NSG1: variants seen among roughly 807,000 people sequenced by gnomAD.
NSG1 encodes neuronal vesicle trafficking associated 1.
In NSG1, 9 loss-of-function variants were observed where a neutral mutation model predicts 19.3. The observed-to-expected ratio is 0.47, with a 90% CI of 0.28 to 0.81. The LOEUF is 0.81. Ranked by LOEUF, NSG1 falls within the 40% of genes least tolerant of loss-of-function variation. The pLI, the probability that NSG1 is intolerant of heterozygous loss-of-function variation, is 0.11. For missense variants in NSG1, 236 were observed against 242.4 expected (o/e 0.97, Z 0.18); for synonymous variants, 104 against 107.0 (o/e 0.97, Z 0.17).
intron 4 of NSG1, among the ~76,000 whole-genome samples, chr4:4,413,434 G>T (rs1724333842): frequency 6.6e-6 from 1 of 151,254 alleles, no homozygotes; most frequent in Admixed American, 6.6e-5. Flanking sequence ...GGCTGGGGCT[G>T]GGAGAGTTTG....
rs552456594 is a variant in NSG1 at position 4,419,030 on chromosome 4, A to C, written c.*1595A>C. 1 of 152,246 alleles carries C rather than the reference A, an allele frequency of 6.6e-6. No individual in the cohort carries two copies. Among genetic ancestry groups the C allele is most frequent in the South Asian group, 2.1e-4 (1 of 4,824 alleles). The allele number at this position is 152,246 out of a possible 1,614,324, so 9.4% of individuals were successfully genotyped here. ...ATTTACATGTAACTTCTGACATTTCACTCTGTGCAAATAAAGAACATGAGG... is the reference window on the plus strand; with the variant it reads ...ATTTACATGTAACTTCTGACATTTCCCTCTGTGCAAATAAAGAACATGAGG... On this transcript the variant is annotated 3_prime_UTR_variant, in exon 5 of 5. Coordinates refer to ENST00000621129, the MANE Select transcript of NSG1 (RefSeq NM_014392.5).
intron 3 of NSG1, among the ~76,000 whole-genome samples, chr4:4,394,419 G>C (rs1723145160): frequency 6.6e-6 from 1 of 152,162 alleles, no homozygotes; most frequent in East Asian, 1.9e-4. Flanking sequence ...TGGTTTCCAC[G>C]CTCCCTTCCC....
rs1161754574 is a variant in NSG1 at position 4,402,371 on chromosome 4, A to ATTTTTTTTTT, written c.247-7177_247-7168dup. On this transcript the variant is annotated intron_variant, in intron 3 of 4. Coordinates refer to ENST00000621129, the MANE Select transcript of NSG1 (RefSeq NM_014392.5). ...TAGACACGCAGCACCACGCCTGGTTATTTTTTTTTTTTTTTTTTTTTTTTT... is the reference window on the plus strand; with the variant it reads ...TAGACACGCAGCACCACGCCTGGTTATTTTTTTTTTTTTTTTTTTTTTTTTTTTTTTTTTT... Among the ~76,000 whole-genome samples, 16 of 53,954 alleles carry ATTTTTTTTTT rather than the reference A, an allele frequency of 3.0e-4. 2 individuals are homozygous for ATTTTTTTTTT. Among genetic ancestry groups the ATTTTTTTTTT allele is most frequent in the African/African-American group, 9.7e-4 (16 of 16,514 alleles). 35.4% of individuals were successfully genotyped at this position (53,954 alleles called of 152,430 possible). A position where few individuals can be genotyped will look rare whatever the true frequency, so the allele number is the denominator to read the frequency against.
intron 4 of NSG1, among the ~76,000 whole-genome samples, chr4:4,414,924 A>G (rs1278833536): frequency 6.6e-6 from 1 of 151,994 alleles, no homozygotes; most frequent in African/African-American, 2.4e-5. Context: ...GTGGCCCGAG[A>G]GGACACTAGG....
At chr4:4,409,049 A>T (rs972133571) in intron 3 of NSG1, among the ~76,000 whole-genome samples, 1 of 152,240 alleles carries the variant, frequency 6.6e-6, no homozygotes, top group Non-Finnish European at 1.5e-5. Context: ...GAAACCGCCG[A>T]GGGCGAAGGC....
At chr4:4,409,423 T>G in intron 3 of NSG1, 150 bp from the exon 4 acceptor site, 1 of 633,642 alleles carries the variant, frequency 1.6e-6, no homozygotes, top group Non-Finnish European at 2.9e-6. Flanking sequence ...CAGTGATGCT[T>G]CTAACCTCTT....
At chr4:4,410,881 G>A (rs887647031) in intron 4 of NSG1, among the ~76,000 whole-genome samples, 11 of 152,130 alleles carry the variant, frequency 7.2e-5, no homozygotes, top group African/African-American at 2.4e-4. Context: ...TGTGTGTGAT[G>A]GAGTCTCACT....
chr4:4,397,566 G>C (rs759198800), intron 3 of NSG1, among the ~76,000 whole-genome samples: 1 of 152,204 alleles, frequency 6.6e-6, no homozygotes, highest in South Asian at 2.1e-4. Context: ...GGCCGCTCAC[G>C]CTTCCCTGTC....
intron 3 of NSG1, among the ~76,000 whole-genome samples, chr4:4,401,054 C>G (rs1723522538): frequency 6.6e-6 from 1 of 152,068 alleles, no homozygotes; most frequent in Non-Finnish European, 1.5e-5. Context: ...TCCCTTAACA[C>G]CCACAGCAGT....
chr4:4,404,121 T>G (rs1723719108), intron 3 of NSG1, among the ~76,000 whole-genome samples: 1 of 152,256 alleles, frequency 6.6e-6, no homozygotes, highest in Non-Finnish European at 1.5e-5. Flanking sequence ...TCACTGCGAA[T>G]GGCCGCCACC....
At chr4:4,401,129 G>A (rs7661351) in intron 3 of NSG1, among the ~76,000 whole-genome samples, 13,036 of 152,238 alleles carry the variant, frequency 0.086, 842 homozygotes, top group African/African-American at 0.18. Context: ...CTGCCCAGCA[G>A]CTATAATCCC....
intron 3 of NSG1, among the ~76,000 whole-genome samples, chr4:4,398,639 G>T (rs1435441144): frequency 6.6e-5 from 10 of 152,202 alleles, no homozygotes; most frequent in African/African-American, 2.2e-4. Flanking sequence ...TTTCATGGCT[G>T]AGTAATATTC....
At chr4:4,411,340 A>G (rs1422118217) in intron 4 of NSG1, among the ~76,000 whole-genome samples, 5 of 152,232 alleles carry the variant, frequency 3.3e-5, no homozygotes, top group Non-Finnish European at 7.3e-5. Flanking sequence ...CACATTAGCT[A>G]GGCCTGCACA....
chr4:4,412,109 G>A (rs967248105), intron 4 of NSG1, among the ~76,000 whole-genome samples: 6 of 152,190 alleles, frequency 3.9e-5, no homozygotes, highest in African/African-American at 1.2e-4. Flanking sequence ...TTTCAGCTCC[G>A]TGACAGTCTT....
At chr4:4,392,606 A>G (rs144592506) in intron 3 of NSG1, among the ~76,000 whole-genome samples, 419 of 152,324 alleles carry the variant, frequency 2.8e-3, no homozygotes, top group African/African-American at 9.4e-3. Flanking sequence ...AGATGAAGCC[A>G]AAACCACAGA....
intron 3 of NSG1, among the ~76,000 whole-genome samples, chr4:4,402,153 T>C (rs1723581620): frequency 6.7e-6 from 1 of 150,006 alleles, no homozygotes; most frequent in African/African-American, 2.5e-5. Context: ...CCTCCCAAAG[T>C]GCTGGGATTA....
At chr4:4,414,417 C>T (rs533798142) in intron 4 of NSG1, among the ~76,000 whole-genome samples, 3 of 151,536 alleles carry the variant, frequency 2.0e-5, no homozygotes, top group Non-Finnish European at 4.4e-5. Flanking sequence ...TTTCCACTAG[C>T]ATCTAATGAG....
At chr4:4,414,389 C>T (rs1175052850) in intron 4 of NSG1, among the ~76,000 whole-genome samples, 2 of 151,880 alleles carry the variant, frequency 1.3e-5, no homozygotes, top group East Asian at 1.9e-4. Context: ...GGAGTGATGT[C>T]CTGTGGGACT....
intron 4 of NSG1, among the ~76,000 whole-genome samples, chr4:4,413,901 TA>T (rs901808975): frequency 4.7e-5 from 7 of 150,210 alleles, no homozygotes; most frequent in African/African-American, 1.7e-4. Flanking sequence ...GGCAGAGGGG[TA>T]AAAGGAAAGG....
Sources: gnomAD v4.1 joint callset for allele counts (sites outside exome capture counted in the v4.1 genomes callset) on GRCh38, gnomAD v4.1.1 for gene constraint, MANE v1.5 for transcripts, NCBI Gene and HGNC (gene_info 2026-07-23, HGNC 2026-07-21) for gene names.